Variants in KCNH1 observed in about 807,000 individuals in gnomAD.
The protein encoded by KCNH1 is potassium voltage-gated channel subfamily H member 1, also known as voltage-gated delayed rectifier potassium channel KCNH1.
KCNH1 carries 27 observed loss-of-function variants against 69.2 expected under a neutral mutation model. The observed-to-expected ratio is 0.39, with a 90% confidence interval of 0.29 to 0.54. The LOEUF (loss-of-function observed/expected upper bound fraction) is 0.54, where lower values mean the gene tolerates loss of function less well. Among genes scored for constraint, KCNH1 ranks in the 20% least tolerant of loss-of-function variants. The probability of loss-of-function intolerance (pLI) is 0.68; values close to 1 mark genes in which losing one functional copy is unlikely to be tolerated. For missense variants in KCNH1, 798 were observed against 1,261.6 expected, an observed-to-expected ratio of 0.63 and a Z score of 5.57; for synonymous variants, 456 against 487.7, an observed-to-expected ratio of 0.93 and a Z score of 0.86.
intron 7 of KCNH1, among the ~76,000 whole-genome samples, chr1:210,841,518 T>C (rs1050975072): frequency 1.3e-5 from 2 of 152,196 alleles, no homozygotes; most frequent in African/African-American, 4.8e-5. Flanking sequence ...TATAGCTAGA[T>C]TAAATGTAGA....
chr1:210,877,948 T>A lies in KCNH1; in HGVS notation c.1462+41692A>T, dbSNP rs541595961. Among the ~76,000 whole-genome samples the A allele has an allele frequency of 9.2e-5, 14 of 152,280 alleles. No homozygotes were observed. The East Asian group carries it at 2.7e-3, about 29-fold the overall frequency. On this transcript the variant is annotated intron_variant, in intron 7 of 10. Coordinates refer to ENST00000271751, the MANE Select transcript of KCNH1 (RefSeq NM_172362.3). The stretch of plus-strand genomic sequence containing the variant: ...TTGATTAAATGCATAAATAACAAAG[T>A]CACCTAACTCTCTTCCTGAATTATA...
intron 5 of KCNH1, among the ~76,000 whole-genome samples, chr1:211,081,279 C>T (rs573257307): frequency 1.3e-5 from 2 of 152,310 alleles, no homozygotes; most frequent in Non-Finnish European, 2.9e-5. Flanking sequence ...TACCATCTCA[C>T]ACCAGTTAGA....
intron 3 of KCNH1, among the ~76,000 whole-genome samples, chr1:211,102,615 C>T (rs1180238942): frequency 2.6e-5 from 4 of 152,156 alleles, no homozygotes; most frequent in Non-Finnish European, 5.9e-5. Flanking sequence ...TCCAATACCG[C>T]AGACCTGAAA....
intron 5 of KCNH1, among the ~76,000 whole-genome samples, chr1:211,051,435 T>G (rs1223008427): frequency 1.3e-5 from 2 of 151,668 alleles, no homozygotes; most frequent in Admixed American, 6.6e-5. Flanking sequence ...GAAGCCTACC[T>G]GGAGTGGGGT....
chr1:210,765,534 T>TACATGTA (rs1255379977), intron 10 of KCNH1, among the ~76,000 whole-genome samples: 3 of 152,294 alleles, frequency 2.0e-5, no homozygotes, highest in East Asian at 3.9e-4. Context: ...CTAAGTGAGA[T>TACATGTA]ACATGTAAAT....
intron 7 of KCNH1, among the ~76,000 whole-genome samples, chr1:210,835,508 C>T (rs1428456186): frequency 6.6e-6 from 1 of 152,074 alleles, no homozygotes; most frequent in African/African-American, 2.4e-5. Flanking sequence ...CCACTAGGTG[C>T]AAGAATGTCT....
At chr1:210,839,669 T>C (rs1685364252) in intron 7 of KCNH1, among the ~76,000 whole-genome samples, 1 of 152,172 alleles carries the variant, frequency 6.6e-6, no homozygotes, top group Admixed American at 6.6e-5. Flanking sequence ...CTTTTTGAGA[T>C]TATACTAGGG....
chr1:210,892,946 T>C (rs533054556), intron 7 of KCNH1, among the ~76,000 whole-genome samples: 2 of 152,292 alleles, frequency 1.3e-5, no homozygotes, highest in African/African-American at 2.4e-5. Flanking sequence ...ATTATCATGA[T>C]AAATGCAACG....
At chr1:210,864,664 T>G (rs754214944) in intron 7 of KCNH1, among the ~76,000 whole-genome samples, 24 of 152,236 alleles carry the variant, frequency 1.6e-4, no homozygotes, top group Non-Finnish European at 2.6e-4. Flanking sequence ...CTGGTTTTGC[T>G]TGTCCCAAAA....
chr1:210,699,298 T>C (rs1406308690), intron 10 of KCNH1, among the ~76,000 whole-genome samples: 1 of 152,184 alleles, frequency 6.6e-6, no homozygotes, highest in East Asian at 1.9e-4. Context: ...GTGTCACTGA[T>C]TCAACAGGAG....
chr1:210,879,943 CA>C (rs1484716258), intron 7 of KCNH1, among the ~76,000 whole-genome samples: 1 of 152,022 alleles, frequency 6.6e-6, no homozygotes, highest in Admixed American at 6.6e-5. Context: ...TTCAATATGT[CA>C]GCAATGAACA....
chr1:210,905,859 G>A (rs561079647), intron 7 of KCNH1, among the ~76,000 whole-genome samples: 1 of 152,190 alleles, frequency 6.6e-6, no homozygotes, highest in East Asian at 1.9e-4. Flanking sequence ...ATGATGAAGT[G>A]GCATAATGTA....
intron 8 of KCNH1, among the ~76,000 whole-genome samples, chr1:210,801,312 C>A (rs189609734): frequency 6.6e-6 from 1 of 152,328 alleles, no homozygotes; most frequent in Non-Finnish European, 1.5e-5. Flanking sequence ...TATCACTGAC[C>A]ATTCTGACCT....
chr1:210,990,077 C>A (rs1319569980), intron 6 of KCNH1, among the ~76,000 whole-genome samples: 1 of 152,208 alleles, frequency 6.6e-6, no homozygotes. Context: ...ATATCTCCCC[C>A]ACCACATCCA....
intron 7 of KCNH1, among the ~76,000 whole-genome samples, chr1:210,909,162 T>C (rs757747314): frequency 6.6e-5 from 10 of 152,264 alleles, no homozygotes; most frequent in Admixed American, 2.6e-4. Flanking sequence ...TTTACAGAGT[T>C]GGCCCTAACA....
intron 6 of KCNH1, among the ~76,000 whole-genome samples, chr1:210,971,290 T>C (rs1688507371): frequency 6.6e-6 from 1 of 152,176 alleles, no homozygotes; most frequent in Non-Finnish European, 1.5e-5. Context: ...TCATCTTATA[T>C]GTCTAAATAT....
At chr1:211,128,485 A>G (rs1691822784) in intron 1 of KCNH1, among the ~76,000 whole-genome samples, 1 of 152,118 alleles carries the variant, frequency 6.6e-6, no homozygotes, top group South Asian at 2.1e-4. Flanking sequence ...AATTATGAGG[A>G]AAAGCAAGAA....
chr1:211,108,969 C>G (rs1312881381), intron 1 of KCNH1, among the ~76,000 whole-genome samples: 1 of 152,072 alleles, frequency 6.6e-6, no homozygotes, highest in Non-Finnish European at 1.5e-5. Context: ...GATATGTCCA[C>G]AACTAACTAA....
chr1:210,765,803 T>C lies in KCNH1; in HGVS notation c.2112+9545A>G, dbSNP rs189275517. Among the ~76,000 whole-genome samples the C allele has an allele frequency of 4.1e-3, 626 of 152,304 alleles. 2 individuals are homozygous for C. The highest frequency in any genetic ancestry group is 0.014 in the African/African-American group (602 of 41,562). ...TAGGCCAGGTGTGGTGGCTCATGCC[T>C]GTAATCCCAGGACTTTGGGAGGCCG... On this transcript the variant is annotated intron_variant, in intron 10 of 10. Transcript: ENST00000271751.
Sources: gnomAD v4.1 joint callset for allele counts (sites outside exome capture counted in the v4.1 genomes callset) on GRCh38, gnomAD v4.1.1 for gene constraint, MANE v1.5 for transcripts, NCBI Gene and HGNC (gene_info 2026-07-23, HGNC 2026-07-21) for gene names.